SERPINB8: variants seen among roughly 807,000 people sequenced by gnomAD.
SERPINB8 encodes serpin B8.
In SERPINB8, 25 loss-of-function variants were observed where a neutral mutation model predicts 35.3. The observed-to-expected ratio is 0.71, with a 90% CI of 0.52 to 0.99. The LOEUF (loss-of-function observed/expected upper bound fraction) is 0.99, where lower values mean the gene tolerates loss of function less well. Among genes scored for constraint, SERPINB8 ranks in the 50% least tolerant of loss-of-function variants. The probability of loss-of-function intolerance (pLI) is 0.00; values close to 1 mark genes in which losing one functional copy is unlikely to be tolerated. For synonymous variants in SERPINB8, 186 were observed against 160.8 expected, an observed-to-expected ratio of 1.16 and a Z score of -1.19; for missense variants, 484 against 446.5, an observed-to-expected ratio of 1.08 and a Z score of -0.76.
chr18:64,013,733 A>G (rs1181028261), intron 7 of SERPINB8, among the ~76,000 whole-genome samples: 1 of 152,226 alleles, frequency 6.6e-6, no homozygotes, highest in Admixed American at 6.5e-5. Context: ...AGTACCATTT[A>G]AGATCTAAAT....
intron 7 of SERPINB8, among the ~76,000 whole-genome samples, chr18:64,016,547 C>T (rs1015751286): frequency 5.3e-5 from 8 of 152,162 alleles, no homozygotes; most frequent in South Asian, 4.2e-4. Context: ...GATTAAAAAG[C>T]GGTTTATGGG....
downstream of SERPINB8, among the ~76,000 whole-genome samples, chr18:63,989,701 T>G (rs2050811095): frequency 6.6e-6 from 1 of 152,068 alleles, no homozygotes; most frequent in South Asian, 2.1e-4. Context: ...CCCAGCACTT[T>G]GGGAGGCCGA....
chr18:64,008,906 C>T (rs760963170), downstream of SERPINB8, among the ~76,000 whole-genome samples: 12 of 151,914 alleles, frequency 7.9e-5, no homozygotes, highest in Non-Finnish European at 1.5e-4. Flanking sequence ...TAATCTGAGA[C>T]GTGGTTATAA....
downstream of SERPINB8, among the ~76,000 whole-genome samples, chr18:63,991,852 G>T (rs371224728): frequency 2.0e-5 from 3 of 152,202 alleles, no homozygotes; most frequent in South Asian, 6.2e-4. Flanking sequence ...TTCGTAGTTT[G>T]TTGTGTTTAT....
chr18:63,978,439 T>C lies in SERPINB8; in HGVS notation c.131T>C (p.Met44Thr), dbSNP rs1245912413. Reference protein sequence around the residue: ...SISSALAMVFMGAKGSTAAQM... With the variant: ...SISSALAMVFTGAKGSTAAQM... ...TCCTCTGCCCTGGCCATGGTCTTCA[T>C]GGGGGCAAAGGGAAGCACTGCAGCC... Residue 44 changes from methionine to threonine, a missense_variant, in exon 2 of 7, where the codon ATG becomes ACG. Transcript: ENST00000397985. 2 of 1,614,068 alleles carry C rather than the reference T, an allele frequency of 1.2e-6. No individual in the cohort carries two copies. Among genetic ancestry groups the C allele is most frequent in the African/African-American group, 1.3e-5 (1 of 74,922 alleles).
chr18:63,999,702 T>C (rs568155946), intron 1 of SERPINB8, among the ~76,000 whole-genome samples: 1 of 152,300 alleles, frequency 6.6e-6, no homozygotes, highest in Non-Finnish European at 1.5e-5. Flanking sequence ...ACCTTCCTTT[T>C]TGATAGCCTT....
chr18:63,989,477 T>C (rs1038506260), downstream of SERPINB8: 1 of 152,220 alleles, frequency 6.6e-6, no homozygotes, highest in African/African-American at 2.4e-5. Flanking sequence ...TTTAAGGATC[T>C]GCCAAATTGC....
chr18:64,015,467 C>G (rs2050945527), intron 7 of SERPINB8, among the ~76,000 whole-genome samples: 2 of 152,208 alleles, frequency 1.3e-5, no homozygotes, highest in Admixed American at 1.3e-4. Context: ...ACGTTCCTAA[C>G]AAATCCGCAG....
At chr18:63,983,868 A>G (rs1256180609) in intron 5 of SERPINB8, 147 bp downstream of exon 5, 4 of 619,400 alleles carry the variant, frequency 6.5e-6, no homozygotes, top group Non-Finnish European at 1.0e-5. Context: ...TTTCTTTGAG[A>G]CAGGGTCTCT....
downstream of SERPINB8, among the ~76,000 whole-genome samples, chr18:63,993,051 G>C (rs1355577433): frequency 1.3e-5 from 2 of 152,180 alleles, no homozygotes; most frequent in African/African-American, 4.8e-5. Flanking sequence ...ACAGTTTGCT[G>C]TTTGATCATA....
In SERPINB8 at chr18:63,983,918, C is replaced by T. The variant is rs149930898; in HGVS notation, c.567+197C>T. Among the ~76,000 whole-genome samples, 276 of 152,272 alleles carry T rather than the reference C, an allele frequency of 1.8e-3. 1 individual carries two copies. The highest frequency in any genetic ancestry group is 6.1e-3 in the African/African-American group (255 of 41,532). On this transcript the variant is annotated intron_variant, in intron 5 of 6. Coordinates refer to ENST00000397985, the MANE Select transcript of SERPINB8 (RefSeq NM_002640.4). ...CTGGAGTGCAGTGGTGTAATCTCAGCTCACTGCAGCCTCGACCTCCCAGGC... is the reference window on the plus strand; with the variant it reads ...CTGGAGTGCAGTGGTGTAATCTCAGTTCACTGCAGCCTCGACCTCCCAGGC...
intron 1 of SERPINB8, among the ~76,000 whole-genome samples, chr18:63,997,429 A>C (rs1426255563): frequency 1.3e-5 from 2 of 152,192 alleles, no homozygotes; most frequent in African/African-American, 4.8e-5. Flanking sequence ...TCCCCCTCCC[A>C]GGCATGTCGT....
intron 1 of SERPINB8, among the ~76,000 whole-genome samples, chr18:63,974,366 T>C (rs1447691467): frequency 6.6e-6 from 1 of 152,194 alleles, no homozygotes; most frequent in East Asian, 1.9e-4. Context: ...AACTCACTTT[T>C]GGATGTTGTA....
intron 5 of SERPINB8, among the ~76,000 whole-genome samples, chr18:63,984,676 G>T (rs1599148381): frequency 6.6e-6 from 1 of 152,198 alleles, no homozygotes; most frequent in African/African-American, 2.4e-5. Flanking sequence ...TCTACAACAA[G>T]GCAACTTTCC....
chr18:63,972,824 GT>G (rs983568741), intron 1 of SERPINB8, among the ~76,000 whole-genome samples: 28 of 151,850 alleles, frequency 1.8e-4, no homozygotes, highest in African/African-American at 5.8e-4. Context: ...TGAACTCATC[GT>G]TTTTTTATGG....
chr18:64,007,337 G>A (rs542473062), downstream of SERPINB8, among the ~76,000 whole-genome samples: 49 of 152,204 alleles, frequency 3.2e-4, no homozygotes, highest in African/African-American at 1.1e-3. Flanking sequence ...AAAATTTAAC[G>A]TTCTCCCATA....
At chr18:64,014,518 G>T (rs1443534940) in intron 7 of SERPINB8, among the ~76,000 whole-genome samples, 1 of 152,166 alleles carries the variant, frequency 6.6e-6, no homozygotes, top group Admixed American at 6.5e-5. Context: ...GACCTCAGAA[G>T]AGAGAGTGTG....
chr18:64,008,050 G>T (rs1011956397), downstream of SERPINB8, among the ~76,000 whole-genome samples: 7 of 152,042 alleles, frequency 4.6e-5, no homozygotes, highest in African/African-American at 1.7e-4. Context: ...TATATGAAAA[G>T]TATTTTGTAT....
At chr18:63,993,853 C>CTTATGT (rs1169445431), downstream of SERPINB8, among the ~76,000 whole-genome samples, 1 of 152,186 alleles carries the variant, frequency 6.6e-6, no homozygotes, top group East Asian at 1.9e-4. Context: ...GCCCTTGAGC[C>CTTATGT]AGGCCATGCC....
Sources: gnomAD v4.1 joint callset for allele counts (sites outside exome capture counted in the v4.1 genomes callset) on GRCh38, gnomAD v4.1.1 for gene constraint, MANE v1.5 for transcripts, NCBI Gene and HGNC (gene_info 2026-07-23, HGNC 2026-07-21) for gene names.